Variants in CDH12 observed in about 807,000 individuals in gnomAD.
The protein encoded by CDH12 is cadherin-12.
CDH12 carries 41 observed loss-of-function variants against 74.1 expected under a neutral mutation model. That is an observed-to-expected ratio of 0.55 (90% CI 0.43 to 0.72). The LOEUF (loss-of-function observed/expected upper bound fraction) is 0.72. Among genes scored for constraint, CDH12 ranks in the 30% least tolerant of loss-of-function variants. CDH12 has a pLI of 0.00. For missense variants in CDH12, 945 were observed against 977.2 expected, an observed-to-expected ratio of 0.97 and a Z score of 0.44; for synonymous variants, 399 against 355.0, an observed-to-expected ratio of 1.12 and a Z score of -1.39.
At chr5:21,843,556 C>A (rs1317898701) in intron 7 of CDH12, among the ~76,000 whole-genome samples, 1 of 150,418 alleles carries the variant, frequency 6.6e-6, no homozygotes, top group Non-Finnish European at 1.5e-5. Context: ...CTCTTGTTGC[C>A]CAGGCTGGAG....
chr5:22,219,200 G>A (rs1252964304), intron 3 of CDH12, among the ~76,000 whole-genome samples: 3 of 151,658 alleles, frequency 2.0e-5, no homozygotes, highest in Non-Finnish European at 4.4e-5. Flanking sequence ...AATAAATTAC[G>A]AGAAATTATG....
intron 1 of CDH12, among the ~76,000 whole-genome samples, chr5:22,682,412 T>C (rs1741541105): frequency 6.6e-6 from 1 of 152,084 alleles, no homozygotes; most frequent in South Asian, 2.1e-4. Flanking sequence ...TTAATATATG[T>C]ATGATTGTTT....
At chr5:22,266,538 A>AT (rs1055413350) in intron 3 of CDH12, among the ~76,000 whole-genome samples, 9 of 152,034 alleles carry the variant, frequency 5.9e-5, no homozygotes, top group African/African-American at 1.4e-4. Flanking sequence ...CAATATTAGC[A>AT]TTTTTTCTTG....
At chr5:22,152,332 ATAAT>A (rs1393947363) in intron 4 of CDH12, 1 of 152,214 alleles carries the variant, frequency 6.6e-6, no homozygotes, top group Admixed American at 6.5e-5. Context: ...AACATTAGAC[ATAAT>A]TAAATCTTTT....
intron 3 of CDH12, among the ~76,000 whole-genome samples, chr5:22,298,970 T>C (rs1346063359): frequency 1.3e-5 from 2 of 152,178 alleles, no homozygotes. Context: ...AAAAATATTA[T>C]GTTCTACTAT....
intron 4 of CDH12, chr5:22,143,734 C>A (rs1746968608): frequency 1.3e-5 from 2 of 151,966 alleles, no homozygotes; most frequent in East Asian, 1.9e-4. Context: ...AACTTAGATT[C>A]AAATTTATAG....
chr5:21,884,706 G>T (rs1752536813), intron 6 of CDH12, among the ~76,000 whole-genome samples: 1 of 152,102 alleles, frequency 6.6e-6, no homozygotes, highest in Non-Finnish European at 1.5e-5. Flanking sequence ...GAGAATAGTT[G>T]TGTACAAAGT....
chr5:22,583,179 A>G (rs1740191647), intron 1 of CDH12, among the ~76,000 whole-genome samples: 1 of 152,192 alleles, frequency 6.6e-6, no homozygotes, highest in African/African-American at 2.4e-5. Context: ...GGATTTCTCA[A>G]TAGCTATCTT....
intron 6 of CDH12, among the ~76,000 whole-genome samples, chr5:21,896,085 T>C (rs1442419394): frequency 1.3e-5 from 2 of 152,106 alleles, no homozygotes; most frequent in Non-Finnish European, 2.9e-5. Context: ...CGCCTCTACA[T>C]AGCGTAAGGT....
intron 1 of CDH12, among the ~76,000 whole-genome samples, chr5:22,649,240 G>C (rs938386173): frequency 6.6e-6 from 1 of 151,924 alleles, no homozygotes; most frequent in African/African-American, 2.4e-5. Flanking sequence ...TATTTCCATT[G>C]TTTGCAACAG....
intron 1 of CDH12, among the ~76,000 whole-genome samples, chr5:22,707,032 A>G (rs1231872084): frequency 6.6e-6 from 1 of 152,146 alleles, no homozygotes; most frequent in Non-Finnish European, 1.5e-5. Context: ...ATTTTTCTTC[A>G]GCAGGGTCCC....
chr5:22,561,211 C>T (rs1580766133), intron 1 of CDH12, among the ~76,000 whole-genome samples: 1 of 152,046 alleles, frequency 6.6e-6, no homozygotes, highest in East Asian at 1.9e-4. Context: ...AGACATTCAA[C>T]TTTCAAATGG....
At chr5:21,881,501 G>A (rs1345879652) in intron 6 of CDH12, among the ~76,000 whole-genome samples, 4 of 152,160 alleles carry the variant, frequency 2.6e-5, no homozygotes, top group Admixed American at 2.6e-4. Context: ...CACTACCCTA[G>A]TCCACCTCCA....
intron 4 of CDH12, among the ~76,000 whole-genome samples, chr5:22,125,718 T>A (rs139348000): frequency 6.6e-6 from 1 of 152,194 alleles, no homozygotes. Context: ...GTGAGTTCCA[T>A]GTACACATCC....
intron 2 of CDH12, among the ~76,000 whole-genome samples, chr5:22,488,876 G>C (rs1204608071): frequency 6.6e-6 from 1 of 151,662 alleles, no homozygotes; most frequent in Non-Finnish European, 1.5e-5. Flanking sequence ...TGTCCCATGT[G>C]GCATGGCATG....
chr5:22,748,229 T>C (rs559178490), intron 1 of CDH12, among the ~76,000 whole-genome samples: 2 of 152,214 alleles, frequency 1.3e-5, no homozygotes, highest in Admixed American at 1.3e-4. Context: ...AAATTGACTT[T>C]TAGTGTCACA....
chr5:21,938,948 C>T (rs1235604862), intron 6 of CDH12, among the ~76,000 whole-genome samples: 1 of 150,332 alleles, frequency 6.7e-6, no homozygotes, highest in East Asian at 1.9e-4. Context: ...TACAAAAATA[C>T]TTTTATTGTC....
chr5:22,237,326 T>G (rs1029070819), intron 3 of CDH12, among the ~76,000 whole-genome samples: 1 of 152,220 alleles, frequency 6.6e-6, no homozygotes, highest in African/African-American at 2.4e-5. Flanking sequence ...CTGCCCAAAC[T>G]ATTCCTCATT....
At chr5:22,820,530 C>A (rs1749642840) in intron 1 of CDH12, among the ~76,000 whole-genome samples, 1 of 151,926 alleles carries the variant, frequency 6.6e-6, no homozygotes, top group Admixed American at 6.6e-5. Flanking sequence ...CAAATAGATG[C>A]AATAAAAATG....
Sources: allele counts gnomAD v4.1 joint callset (sites outside exome capture counted in the v4.1 genomes callset), GRCh38; gene constraint gnomAD v4.1.1; transcripts MANE v1.5; gene names NCBI Gene and HGNC (gene_info 2026-07-23, HGNC 2026-07-21).